The following CTXND1 variants were observed in gnomAD, a reference collection of about 807,000 sequenced individuals.
CTXND1 encodes cortexin domain-containing 1 protein.
intron 1 of CTXND1, among the ~76,000 whole-genome samples, chr15:80,245,051 G>T (rs766010064): frequency 6.6e-6 from 1 of 152,280 alleles, no homozygotes; most frequent in South Asian, 2.1e-4. Flanking sequence ...GAGGATTAGG[G>T]TACCAGCCTC....
intron 1 of CTXND1, among the ~76,000 whole-genome samples, chr15:80,209,060 A>G (rs12898706): frequency 0.069 from 10,479 of 152,254 alleles, 442 homozygotes; most frequent in Non-Finnish European, 0.095. Flanking sequence ...TGCAGAGGTC[A>G]GATCTCACAG....
chr15:80,197,524 GGA>G lies in CTXND1; in HGVS notation c.*4244_*4245del, dbSNP rs2041426424. On this transcript the variant is annotated 3_prime_UTR_variant, in exon 3 of 3. Coordinates refer to ENST00000560778, the MANE Select transcript of CTXND1 (RefSeq NM_001352888.2). ...AGTCCCAAGGAGAACCCTCCTAAAGGGAGAGAGTCTTTGCTGATGACCATCAA... is the reference window on the plus strand; with the variant it reads ...AGTCCCAAGGAGAACCCTCCTAAAGGGAGAGTCTTTGCTGATGACCATCAA... The G allele has an allele frequency of 1.3e-5, 2 of 152,398 alleles. No homozygotes were observed. Among genetic ancestry groups the G allele is most frequent in the South Asian group, 2.1e-4 (1 of 4,830 alleles). 9.4% of individuals were successfully genotyped at this position (152,398 alleles called of 1,614,324 possible).
chr15:80,198,555 TCTC>T lies in CTXND1; in HGVS notation c.*3212_*3214del. 6.6e-6 allele frequency: 1 copy of T among 152,322 alleles called. No homozygotes were observed. The highest frequency in any genetic ancestry group is 2.1e-4 in the South Asian group (1 of 4,826). The allele number at this position is 152,322 out of a possible 1,614,324, so 9.4% of individuals were successfully genotyped here. A position where few individuals can be genotyped will look rare whatever the true frequency, so the allele number is the denominator to read the frequency against. The stretch of plus-strand genomic sequence containing the variant: ...GAGACGCTCTGATCACAAAGGACCA[TCTC>T]CTCTATGCTTCAGCAGCATAATGCA... On this transcript the variant is annotated 3_prime_UTR_variant, in exon 3 of 3. Coordinates refer to ENST00000560778, the MANE Select transcript of CTXND1 (RefSeq NM_001352888.2).
intron 1 of CTXND1, among the ~76,000 whole-genome samples, chr15:80,215,665 A>G (rs1028696764): frequency 1.3e-5 from 2 of 152,138 alleles, no homozygotes; most frequent in Non-Finnish European, 2.9e-5. Context: ...TTCCTGGGGC[A>G]TTATCTGGCC....
At chr15:80,208,425 C>T (rs1893172784) in intron 1 of CTXND1, among the ~76,000 whole-genome samples, 3 of 152,158 alleles carry the variant, frequency 2.0e-5, no homozygotes, top group South Asian at 2.1e-4. Context: ...GGTCAGTGCT[C>T]TCTACTCACT....
chr15:80,249,191 G>A (rs1007797919), intron 1 of CTXND1, among the ~76,000 whole-genome samples: 1 of 152,102 alleles, frequency 6.6e-6, no homozygotes, highest in Non-Finnish European at 1.5e-5. Flanking sequence ...GGCTTCAAGC[G>A]ATTCTCTTGC....
intron 1 of CTXND1, among the ~76,000 whole-genome samples, chr15:80,220,774 T>G (rs1270769210): frequency 6.6e-6 from 1 of 151,968 alleles, no homozygotes; most frequent in Non-Finnish European, 1.5e-5. Flanking sequence ...ATTTTGTGGT[T>G]TATAGTATTG....
intron 1 of CTXND1, among the ~76,000 whole-genome samples, chr15:80,219,647 A>G (rs1390025344): frequency 6.6e-6 from 1 of 152,180 alleles, no homozygotes; most frequent in Non-Finnish European, 1.5e-5. Context: ...AGTCACCAGC[A>G]GTACCTGGGA....
At chr15:80,242,399 G>T (rs1381735201) in intron 1 of CTXND1, among the ~76,000 whole-genome samples, 1 of 152,248 alleles carries the variant, frequency 6.6e-6, no homozygotes, top group Non-Finnish European at 1.5e-5. Context: ...GCAGGAAGGG[G>T]AGGCAGAGAT....
intron 1 of CTXND1, among the ~76,000 whole-genome samples, chr15:80,222,420 CTCTT>C (rs1251460093): frequency 4.6e-5 from 7 of 152,216 alleles, no homozygotes; most frequent in Admixed American, 4.6e-4. Context: ...CAATTAATGA[CTCTT>C]TCTTAAATAG....
At chr15:80,232,096 G>T (rs1346934765) in intron 1 of CTXND1, among the ~76,000 whole-genome samples, 1 of 152,162 alleles carries the variant, frequency 6.6e-6, no homozygotes, top group South Asian at 2.1e-4. Context: ...AGCGGAGTGA[G>T]GCTATAGGAG....
Position 80,252,127 on chromosome 15 carries a change from G to A in CTXND1, c.-338C>T, listed in dbSNP as rs1004270883. The A allele has an allele frequency of 6.6e-6, 1 of 151,586 alleles. No individual in the cohort carries two copies. The highest frequency in any genetic ancestry group is 1.9e-4 in the East Asian group (1 of 5,152). The allele number at this position is 151,586 out of a possible 1,614,324, so 9.4% of individuals were successfully genotyped here. On this transcript the variant is annotated 5_prime_UTR_variant, in exon 1 of 3. Coordinates refer to ENST00000560778, the MANE Select transcript of CTXND1 (RefSeq NM_001352888.2). ...ACGGGGGCGCGGGCTCGCGGGGCGC[G>A]GGGGGCGCTGCCCAGGCCCGGCTCG...
intron 1 of CTXND1, among the ~76,000 whole-genome samples, chr15:80,245,315 A>T (rs1300106656): frequency 1.3e-5 from 2 of 152,166 alleles, no homozygotes; most frequent in Non-Finnish European, 2.9e-5. Context: ...ATCGAGACTG[A>T]TGTAAACACT....
chr15:80,241,426 C>T (rs945404836), intron 1 of CTXND1, among the ~76,000 whole-genome samples: 80 of 152,110 alleles, frequency 5.3e-4, no homozygotes, highest in South Asian at 1.9e-3. Context: ...CGAGAGCCCA[C>T]GGCCCCTAGG....
chr15:80,220,947 CG>C (rs1339158657), intron 1 of CTXND1, among the ~76,000 whole-genome samples: 2 of 148,466 alleles, frequency 1.3e-5, no homozygotes, highest in Non-Finnish European at 3.0e-5. Context: ...CTCGCTCTGT[CG>C]CCCAGGCTGG....
intron 1 of CTXND1, among the ~76,000 whole-genome samples, chr15:80,248,030 G>T (rs1274774232): frequency 6.6e-6 from 1 of 152,176 alleles, no homozygotes; most frequent in Non-Finnish European, 1.5e-5. Flanking sequence ...CCAAGAGGAG[G>T]GTCATCTTGG....
chr15:80,211,655 G>A (rs1223361299), intron 1 of CTXND1, among the ~76,000 whole-genome samples: 10 of 152,164 alleles, frequency 6.6e-5, no homozygotes, highest in African/African-American at 1.9e-4. Context: ...GTTATCTTCC[G>A]ATATGTAAAC....
chr15:80,239,834 G>C (rs1211431636), intron 1 of CTXND1, among the ~76,000 whole-genome samples: 1 of 152,068 alleles, frequency 6.6e-6, no homozygotes, highest in Non-Finnish European at 1.5e-5. Flanking sequence ...TCCTTGTGAT[G>C]TCTATGGTAT....
chr15:80,226,250 A>G (rs1893370554), intron 1 of CTXND1, among the ~76,000 whole-genome samples: 1 of 152,222 alleles, frequency 6.6e-6, no homozygotes, highest in Non-Finnish European at 1.5e-5. Flanking sequence ...AGCTTTATGA[A>G]GACTTTCTTT....
Sources: allele counts gnomAD v4.1 joint callset (sites outside exome capture counted in the v4.1 genomes callset), GRCh38; gene constraint gnomAD v4.1.1; transcripts MANE v1.5; gene names NCBI Gene and HGNC (gene_info 2026-07-23, HGNC 2026-07-21).